The following EDARADD variants were observed in gnomAD, a reference collection of about 807,000 sequenced individuals.
The protein encoded by EDARADD is ectodysplasin-A receptor-associated adapter protein.
A neutral mutation model predicts 25.6 loss-of-function variants in EDARADD; 20 were observed. The observed-to-expected ratio is 0.78, with a 90% CI of 0.55 to 1.14. The LOEUF (loss-of-function observed/expected upper bound fraction) is 1.14, where lower values mean the gene tolerates loss of function less well. Among genes scored for constraint, EDARADD ranks in the 50% most tolerant of loss-of-function variants. The pLI is 0.00. For synonymous variants in EDARADD, 86 were observed against 94.4 expected (o/e 0.91, Z 0.52); for missense variants, 225 against 270.1 (o/e 0.83, Z 1.17).
chr1:236,366,741 C>CTCTCTTTTTTTTTTTT (rs146073425), intron 3 of EDARADD, among the ~76,000 whole-genome samples: 14 of 144,210 alleles, frequency 9.7e-5, no homozygotes, highest in African/African-American at 1.5e-4. Context: ...TCATCTCTCT[C>CTCTCTTTTTTTTTTTT]TTTTTTTTGT....
chr1:236,459,499 A>C (rs1482462503), intron 4 of EDARADD, among the ~76,000 whole-genome samples: 4 of 152,178 alleles, frequency 2.6e-5, no homozygotes, highest in Non-Finnish European at 5.9e-5. Context: ...AATTGGATAG[A>C]AAACTCATTG....
At chr1:236,436,608 C>T in intron 4 of EDARADD, among the ~76,000 whole-genome samples, 1 of 100,588 alleles carries the variant, frequency 9.9e-6, no homozygotes, top group Non-Finnish European at 1.8e-5. Context: ...GCATGGGTGA[C>T]AGAGCAAGAT....
At chr1:236,385,167 G>T (rs1241036823) in intron 3 of EDARADD, among the ~76,000 whole-genome samples, 2 of 144,068 alleles carry the variant, frequency 1.4e-5, no homozygotes, top group African/African-American at 5.2e-5. Flanking sequence ...TCAGCACTTT[G>T]GGAGGCCGAG....
At chr1:236,450,835 C>T (rs569057620) in intron 4 of EDARADD, among the ~76,000 whole-genome samples, 101 of 152,288 alleles carry the variant, frequency 6.6e-4, no homozygotes, top group Non-Finnish European at 1.1e-3. Flanking sequence ...AGGCGTGAGT[C>T]ACTGCATCCA....
At chr1:236,414,441 G>T (rs1657581790) in intron 3 of EDARADD, 142 bp downstream of exon 3, 2 of 607,164 alleles carry the variant, frequency 3.3e-6, no homozygotes, top group Admixed American at 3.0e-5. Context: ...TGACATAATT[G>T]TCTCAGAAAT....
intron 1 of EDARADD, among the ~76,000 whole-genome samples, chr1:236,400,469 G>A (rs924002384): frequency 1.3e-5 from 2 of 152,102 alleles, no homozygotes; most frequent in East Asian, 3.9e-4. Context: ...GACAGAGGAA[G>A]CTCAATGAAA....
At chr1:236,382,838 C>T (rs1667316520) in intron 3 of EDARADD, among the ~76,000 whole-genome samples, 1 of 152,170 alleles carries the variant, frequency 6.6e-6, no homozygotes, top group South Asian at 2.1e-4. Flanking sequence ...GCACGGTTCC[C>T]TCTGAAGTTC....
intron 3 of EDARADD, among the ~76,000 whole-genome samples, chr1:236,381,801 CTTTTT>C (rs71559949): frequency 2.4e-5 from 1 of 42,072 alleles, no homozygotes; most frequent in African/African-American, 1.1e-4. Flanking sequence ...CCTGTGGTTG[CTTTTT>C]TTTTTTTTTT....
chr1:236,368,368 G>T (rs1348073064), intron 3 of EDARADD, among the ~76,000 whole-genome samples: 1 of 150,686 alleles, frequency 6.6e-6, no homozygotes, highest in African/African-American at 2.4e-5. Flanking sequence ...ATTTCTCATT[G>T]TATAACCATT....
rs1281703044 is a variant in EDARADD, at chr1:236,431,904, G to A, written c.219+4454G>A. Among the ~76,000 whole-genome samples the A allele has an allele frequency of 4.5e-5, 2 of 44,056 alleles. 1 individual carries two copies. The highest frequency in any genetic ancestry group is 1.8e-4 in the Non-Finnish European group (2 of 11,096). The allele number at this position is 44,056 out of a possible 152,430, so 28.9% of individuals were successfully genotyped here. On this transcript the variant is annotated intron_variant, in intron 4 of 5. Coordinates refer to ENST00000334232, the MANE Select transcript of EDARADD (RefSeq NM_145861.4). ...CCACTGCAGTCCGCAGTCCGACCTG[G>A]GCGACAGAGCGAGACTCCGTCTCAA... is the stretch of plus-strand genomic sequence containing the variant.
chr1:236,350,037 A>G (rs540305610), intron 2 of EDARADD, among the ~76,000 whole-genome samples: 4 of 152,244 alleles, frequency 2.6e-5, no homozygotes, highest in Middle Eastern at 6.8e-3. Context: ...GCTTGAACCC[A>G]GGAGGCAGAG....
chr1:236,382,645 G>A (rs1301048692), intron 3 of EDARADD, among the ~76,000 whole-genome samples: 3 of 152,146 alleles, frequency 2.0e-5, no homozygotes, highest in Admixed American at 6.5e-5. Context: ...AAACTTCCAG[G>A]TCTCACTTTT....
chr1:236,449,927 C>T (rs1464534925), intron 4 of EDARADD, among the ~76,000 whole-genome samples: 1 of 152,118 alleles, frequency 6.6e-6, no homozygotes, highest in Admixed American at 6.5e-5. Flanking sequence ...ATGGCGAAAC[C>T]CCGTTTCTAC....
chr1:236,366,929 T>C (rs1667117516), intron 3 of EDARADD, among the ~76,000 whole-genome samples: 1 of 151,688 alleles, frequency 6.6e-6, no homozygotes, highest in South Asian at 2.1e-4. Flanking sequence ...ATACAAAAAT[T>C]AGCCGGGCAT....
intron 4 of EDARADD, among the ~76,000 whole-genome samples, chr1:236,432,894 T>C (rs1658142769): frequency 6.7e-6 from 1 of 149,216 alleles, no homozygotes; most frequent in East Asian, 2.0e-4. Flanking sequence ...ACTGTGCTGC[T>C]GCACTCCAGC....
At chr1:236,381,578 A>G (rs535975432) in intron 3 of EDARADD, among the ~76,000 whole-genome samples, 170 of 152,004 alleles carry the variant, frequency 1.1e-3, no homozygotes, top group Non-Finnish European at 1.8e-3. Context: ...ATCTCTACAT[A>G]TATCATAAGC....
intron 3 of EDARADD, among the ~76,000 whole-genome samples, chr1:236,423,224 A>G (rs866791611): frequency 1.3e-5 from 2 of 152,104 alleles, no homozygotes; most frequent in African/African-American, 4.8e-5. Context: ...TAAATGAGAA[A>G]TATGTTGCCA....
intron 4 of EDARADD, among the ~76,000 whole-genome samples, chr1:236,460,229 G>T (rs1442329687): frequency 1.4e-5 from 2 of 145,262 alleles, no homozygotes; most frequent in Non-Finnish European, 3.0e-5. Flanking sequence ...CTGTCACCCA[G>T]GCTGGAGTGT....
chr1:236,367,616 TG>T (rs1471414291), intron 3 of EDARADD, among the ~76,000 whole-genome samples: 1 of 152,104 alleles, frequency 6.6e-6, no homozygotes, highest in African/African-American at 2.4e-5. Flanking sequence ...CCTCCAGCCT[TG>T]GCCTCCCAAA....
Sources: allele counts gnomAD v4.1 joint callset (sites outside exome capture counted in the v4.1 genomes callset), GRCh38; gene constraint gnomAD v4.1.1; transcripts MANE v1.5; gene names NCBI Gene and HGNC (gene_info 2026-07-23, HGNC 2026-07-21).